CNTNAP5: variants seen among roughly 807,000 people sequenced by gnomAD.
CNTNAP5 encodes contactin associated protein family member 5.
In CNTNAP5, 72 loss-of-function variants were observed where a neutral mutation model predicts 150.2. The ratio of observed to expected loss-of-function variants is 0.48; its 90% CI spans 0.40 to 0.58. The LOEUF (loss-of-function observed/expected upper bound fraction) is 0.58, where lower values mean the gene tolerates loss of function less well. Among genes scored for constraint, CNTNAP5 ranks in the 20% least tolerant of loss-of-function variants. The probability of loss-of-function intolerance (pLI) is 0.00; values close to 1 mark genes in which losing one functional copy is unlikely to be tolerated. For missense variants in CNTNAP5, 1,636 were observed against 1,626.2 expected, an observed-to-expected ratio of 1.01 and a Z score of -0.10; for synonymous variants, 672 against 619.8, an observed-to-expected ratio of 1.08 and a Z score of -1.25.
chr2:124,280,182 A>AT lies in CNTNAP5; in HGVS notation c.381+37798dup, dbSNP rs892315907. Reference sequence around the variant, plus strand: ...TACATATATATACGTATATATATACATTTTTTTTTATTTTTGAGACAGAGT... The same window carrying AT: ...TACATATATATACGTATATATATACATTTTTTTTTTATTTTTGAGACAGAGT... On this transcript the variant is annotated intron_variant, in intron 3 of 23. Transcript: ENST00000682447. Among the ~76,000 whole-genome samples, 157 of 150,424 alleles carry AT rather than the reference A, an allele frequency of 1.0e-3. 1 individual carries two copies. The highest frequency in any genetic ancestry group is 3.5e-3 in the Middle Eastern group (1 of 288).
Position 124,527,359 on chromosome 2 carries a change from T to C in CNTNAP5, c.1552T>C (p.Phe518Leu), listed in dbSNP as rs1694995856. The C allele has an allele frequency of 6.2e-7, 1 of 1,613,710 alleles. No individual in the cohort carries two copies. The highest frequency in any genetic ancestry group is 8.5e-7 in the Non-Finnish European group (1 of 1,179,666). ...KAFQGCMRLIFIDNQPKDLIS... is the reference protein window; with the variant it reads ...KAFQGCMRLILIDNQPKDLIS... ...TTTCCAAGGCTGCATGAGGCTCATC[T>C]TTATTGATAACCAGCCCAAGGACCT... The change falls in exon 10 of 24, where the codon TTT becomes CTT. Residue 518 changes from phenylalanine (F) to leucine (L), a missense_variant. Phe to Leu is a conservative substitution (Grantham distance 22). Coordinates refer to ENST00000682447, the MANE Select transcript of CNTNAP5 (RefSeq NM_001367498.1).
At chr2:124,130,827 T>C (rs528545964) in intron 1 of CNTNAP5, among the ~76,000 whole-genome samples, 1 of 152,178 alleles carries the variant, frequency 6.6e-6, no homozygotes, top group Admixed American at 6.6e-5. Flanking sequence ...TGCTCGGTAA[T>C]GTACTGTGGT....
chr2:124,321,232 G>A (rs574369172), intron 3 of CNTNAP5, among the ~76,000 whole-genome samples: 1 of 152,190 alleles, frequency 6.6e-6, no homozygotes, highest in Admixed American at 6.5e-5. Flanking sequence ...GCCTGAGGTT[G>A]GGAGTTCAAG....
At position 124,543,873 on chromosome 2, in the gene CNTNAP5, G is replaced by A. The variant is rs375461635; in HGVS notation, c.1649+16417G>A. Among the ~76,000 whole-genome samples the A allele has an allele frequency of 7.9e-5, 12 of 151,968 alleles. No homozygotes were observed. In the East Asian group the frequency reaches 9.7e-4, roughly 12 times the overall value. On this transcript the variant is annotated intron_variant, in intron 10 of 23. Coordinates refer to ENST00000682447, the MANE Select transcript of CNTNAP5 (RefSeq NM_001367498.1). ...ATTTTTTCTCCTTTGATGTTTTACC[G>A]TACTTGTTTCTACAGTGGATTCTAA...
At chr2:124,524,061 T>G in intron 8 of CNTNAP5, among the ~76,000 whole-genome samples, 1 of 152,180 alleles carries the variant, frequency 6.6e-6, no homozygotes, top group East Asian at 1.9e-4. Context: ...TCCCTTTTGT[T>G]TTAAAACAAA....
chr2:124,315,447 C>T (rs1389885142), intron 3 of CNTNAP5, among the ~76,000 whole-genome samples: 1 of 152,128 alleles, frequency 6.6e-6, no homozygotes, highest in Non-Finnish European at 1.5e-5. Context: ...TCAGGGTTTG[C>T]TTTGGGCCAA....
intron 17 of CNTNAP5, among the ~76,000 whole-genome samples, chr2:124,786,461 AAG>A (rs1491512386): frequency 6.0e-5 from 7 of 115,718 alleles, no homozygotes; most frequent in Admixed American, 4.1e-4. Flanking sequence ...GAAAGAAAGA[AAG>A]AAAGGAAGGA....
chr2:124,719,128 C>T (rs1287374187), intron 13 of CNTNAP5, among the ~76,000 whole-genome samples: 1 of 152,092 alleles, frequency 6.6e-6, no homozygotes, highest in African/African-American at 2.4e-5. Context: ...TTAAATTTAA[C>T]TTATTTTCCT....
intron 1 of CNTNAP5, among the ~76,000 whole-genome samples, chr2:124,047,252 A>T (rs1440539080): frequency 2.6e-5 from 4 of 152,242 alleles, no homozygotes; most frequent in Non-Finnish European, 4.4e-5. Flanking sequence ...ACCGAAGGGT[A>T]GTCACATAGC....
At chr2:124,243,280 C>G (rs1020150094) in intron 3 of CNTNAP5, among the ~76,000 whole-genome samples, 3 of 152,158 alleles carry the variant, frequency 2.0e-5, no homozygotes, top group Non-Finnish European at 4.4e-5. Flanking sequence ...ATATTCTTTC[C>G]TTTTCAGATT....
intron 6 of CNTNAP5, among the ~76,000 whole-genome samples, chr2:124,449,137 T>C (rs1054162730): frequency 2.0e-5 from 3 of 152,208 alleles, no homozygotes. Context: ...ATACTGTGGA[T>C]AAAATATGCC....
rs750524789 is a variant in CNTNAP5, at chr2:124,747,336, T to A, written c.2185T>A (p.Cys729Ser). ...QQCECGLDES[C>S]LDIQHFCNCD... ...GTGTGAGTGTGGCCTAGACGAGAGC[T>A]GCCTGGACATTCAGCACTTTTGCAA... is the stretch of plus-strand genomic sequence containing the variant. The change falls in exon 14 of 24, where the codon TGC (cysteine) becomes AGC (serine). Residue 729 changes from cysteine to serine, a missense_variant. Transcript: ENST00000682447. 1 of 1,613,862 alleles carries A rather than the reference T, an allele frequency of 6.2e-7. No individual in the cohort carries two copies. The highest frequency in any genetic ancestry group is 8.5e-7 in the Non-Finnish European group (1 of 1,179,790).
At chr2:124,058,283 C>G (rs1044034327) in intron 1 of CNTNAP5, among the ~76,000 whole-genome samples, 1 of 152,148 alleles carries the variant, frequency 6.6e-6, no homozygotes, top group Non-Finnish European at 1.5e-5. Flanking sequence ...CATAATCCAG[C>G]TTTTGACTGT....
intron 19 of CNTNAP5, among the ~76,000 whole-genome samples, chr2:124,838,540 G>T (rs1444293688): frequency 6.6e-6 from 1 of 152,118 alleles, no homozygotes; most frequent in Non-Finnish European, 1.5e-5. Flanking sequence ...CTGGTGATCT[G>T]GGAAGAAGTA....
intron 1 of CNTNAP5, among the ~76,000 whole-genome samples, chr2:124,195,484 T>C (rs1220100022): frequency 6.6e-6 from 1 of 152,146 alleles, no homozygotes; most frequent in Admixed American, 6.5e-5. Context: ...ATAGACATGA[T>C]GCAAATGAGT....
At chr2:124,831,998 T>C (rs1364743714) in intron 19 of CNTNAP5, among the ~76,000 whole-genome samples, 1 of 152,022 alleles carries the variant, frequency 6.6e-6, no homozygotes, top group African/African-American at 2.4e-5. Context: ...AATTCGGTTG[T>C]TTTCATTAAA....
At chr2:124,266,164 T>G (rs894563255) in intron 3 of CNTNAP5, among the ~76,000 whole-genome samples, 1 of 152,130 alleles carries the variant, frequency 6.6e-6, no homozygotes, top group Non-Finnish European at 1.5e-5. Flanking sequence ...ACCTTATACA[T>G]GGTAAGGGCC....
chr2:124,864,552 CTCTCTCTG>C (rs1677589978), intron 19 of CNTNAP5, among the ~76,000 whole-genome samples: 1 of 109,378 alleles, frequency 9.1e-6, no homozygotes, highest in African/African-American at 4.0e-5. Context: ...CTCTGTCTCT[CTCTCTCTG>C]TCTCTCTGTG....
chr2:124,392,933 T>C (rs937731261), intron 3 of CNTNAP5, among the ~76,000 whole-genome samples: 7 of 152,214 alleles, frequency 4.6e-5, no homozygotes, highest in Admixed American at 4.6e-4. Context: ...CAATGAAGTC[T>C]GATGTGGACC....
Sources: allele counts gnomAD v4.1 joint callset (sites outside exome capture counted in the v4.1 genomes callset), GRCh38; gene constraint gnomAD v4.1.1; transcripts MANE v1.5; gene names NCBI Gene and HGNC (gene_info 2026-07-23, HGNC 2026-07-21).